The following RALGAPA2 variants were observed in gnomAD, a reference collection of about 807,000 sequenced individuals.
The protein encoded by RALGAPA2 is ral GTPase-activating protein subunit alpha-2.
A neutral mutation model predicts 230.4 loss-of-function variants in RALGAPA2; 139 were observed. The ratio of observed to expected loss-of-function variants is 0.60; its 90% confidence interval spans 0.53 to 0.69. The LOEUF (loss-of-function observed/expected upper bound fraction) is 0.69. Ranked by LOEUF, RALGAPA2 falls within the 30% of genes least tolerant of loss-of-function variation. The pLI is 0.00. For missense variants in RALGAPA2, 2,163 were observed against 2,276.0 expected (o/e 0.95, Z 1.01); for synonymous variants, 847 against 837.8 (o/e 1.01, Z -0.19).
chr20:20,546,646 C>G (rs768443941), intron 24 of RALGAPA2, 58 bp downstream of exon 24: 9 of 1,509,180 alleles, frequency 6.0e-6, no homozygotes, highest in Non-Finnish European at 7.1e-6. Context: ...AAATCTGAAC[C>G]TTGTTAGCGA....
chr20:20,436,957 C>T (rs1396100629), intron 37 of RALGAPA2, among the ~76,000 whole-genome samples: 1 of 152,164 alleles, frequency 6.6e-6, no homozygotes, highest in East Asian at 1.9e-4. Context: ...ACCGGGGAGA[C>T]CAAGCTCCGG....
At chr20:20,685,785 A>G (rs2068677694) in intron 1 of RALGAPA2, among the ~76,000 whole-genome samples, 1 of 152,174 alleles carries the variant, frequency 6.6e-6, no homozygotes, top group African/African-American at 2.4e-5. Context: ...TCAGGGCTGT[A>G]GGGAAAAGGG....
At chr20:20,621,951 C>G (rs1420832642) in intron 10 of RALGAPA2, among the ~76,000 whole-genome samples, 1 of 152,156 alleles carries the variant, frequency 6.6e-6, no homozygotes, top group African/African-American at 2.4e-5. Flanking sequence ...TTTAATACTG[C>G]CCTTAAGGTT....
At chr20:20,669,625 A>G (rs2068068734) in intron 3 of RALGAPA2, among the ~76,000 whole-genome samples, 2 of 152,086 alleles carry the variant, frequency 1.3e-5, no homozygotes, top group African/African-American at 2.4e-5. Context: ...GGCCTTGCCC[A>G]TTCCTTCCTG....
chr20:20,630,311 T>C (rs1205716584), intron 9 of RALGAPA2, among the ~76,000 whole-genome samples: 2 of 152,176 alleles, frequency 1.3e-5, no homozygotes, highest in Non-Finnish European at 1.5e-5. Flanking sequence ...CTTTGCAAAC[T>C]CCATTATTAC....
At chr20:20,543,185 C>T (rs1469248580) in intron 24 of RALGAPA2, among the ~76,000 whole-genome samples, 2 of 152,158 alleles carry the variant, frequency 1.3e-5, no homozygotes, top group Non-Finnish European at 2.9e-5. Context: ...GCTGGGACTA[C>T]AGGCATGTGC....
Position 20,520,903 on chromosome 20 carries a change from G to A in RALGAPA2, c.4084+14C>T, listed in dbSNP as rs368790279. ...TTCCTTCCCACAAGATTTCATACCTGAAAGAATACTCACCCTCTTCAACAG... is the reference window on the plus strand; with the variant it reads ...TTCCTTCCCACAAGATTTCATACCTAAAAGAATACTCACCCTCTTCAACAG... On this transcript the variant is annotated intron_variant, in intron 31 of 39. Coordinates refer to ENST00000202677, the MANE Select transcript of RALGAPA2 (RefSeq NM_020343.4). 1 of 1,559,428 alleles carries A rather than the reference G, an allele frequency of 6.4e-7. No homozygotes were observed. Among genetic ancestry groups the A allele is most frequent in the Non-Finnish European group, 8.8e-7 (1 of 1,141,672 alleles).
intron 24 of RALGAPA2, 27 bp from the exon 25 acceptor site, chr20:20,536,811 C>T: frequency 6.3e-7 from 1 of 1,598,740 alleles, no homozygotes; most frequent in Non-Finnish European, 8.5e-7. Context: ...GGAGCACACA[C>T]ATTTCTCTTT....
chr20:20,518,968 G>C (rs2062956429), intron 31 of RALGAPA2, among the ~76,000 whole-genome samples: 1 of 152,136 alleles, frequency 6.6e-6, no homozygotes, highest in African/African-American at 2.4e-5. Flanking sequence ...AAGTAAAGCA[G>C]ACATTGCAGT....
At chr20:20,473,019 G>C in intron 36 of RALGAPA2, 63 bp from the exon 37 acceptor site, 2 of 1,509,700 alleles carry the variant, frequency 1.3e-6, no homozygotes, top group South Asian at 1.3e-5. Context: ...AAAGATATGA[G>C]AGTAGCTGAC....
Position 20,393,198 on chromosome 20 carries a change from C to T in RALGAPA2, c.*91G>A, listed in dbSNP as rs761276366. The stretch of plus-strand genomic sequence containing the variant: ...GCAGAGGCAGGAGAGGGTGTTCTGT[C>T]TCCTCCTCACTCAGGGGCTCTTCGA... On this transcript the variant is annotated 3_prime_UTR_variant, in exon 40 of 40. Transcript: ENST00000202677. 15 of 1,349,294 alleles carry T rather than the reference C, an allele frequency of 1.1e-5. No homozygotes were observed. Among genetic ancestry groups the T allele is most frequent in the Non-Finnish European group, 1.5e-5 (15 of 1,013,680 alleles). 83.6% of individuals were successfully genotyped at this position (1,349,294 alleles called of 1,614,324 possible).
At chr20:20,393,985 G>A (rs1454155490) in intron 39 of RALGAPA2, among the ~76,000 whole-genome samples, 4 of 152,126 alleles carry the variant, frequency 2.6e-5, no homozygotes, top group Admixed American at 2.6e-4. Context: ...TCCCCTCGTA[G>A]TGTATTTTTA....
chr20:20,531,625 T>G, intron 27 of RALGAPA2, 62 bp downstream of exon 27: 1 of 1,333,884 alleles, frequency 7.5e-7, no homozygotes, highest in Non-Finnish European at 1.1e-6. Context: ...TAATTCAAAC[T>G]CAAACTGTTA....
At chr20:20,584,718 C>T (rs945290902) in intron 19 of RALGAPA2, 147 bp downstream of exon 19, 7 of 548,616 alleles carry the variant, frequency 1.3e-5, no homozygotes, top group African/African-American at 1.2e-4. Flanking sequence ...GAGGTTGAGG[C>T]TGCAGTGAGC....
chr20:20,693,451 T>C (rs1158005398), intron 1 of RALGAPA2, among the ~76,000 whole-genome samples: 1 of 152,180 alleles, frequency 6.6e-6, no homozygotes, highest in Admixed American at 6.5e-5. Context: ...GGACCTCCTT[T>C]TCTTGATCTG....
intron 15 of RALGAPA2, 91 bp downstream of exon 15, chr20:20,605,084 T>C: frequency 9.2e-7 from 1 of 1,083,024 alleles, no homozygotes; most frequent in Non-Finnish European, 1.4e-6. Context: ...CAGTTCATTA[T>C]AAAATTTCGC....
At chr20:20,630,779 G>C (rs969424347) in intron 9 of RALGAPA2, among the ~76,000 whole-genome samples, 3 of 152,052 alleles carry the variant, frequency 2.0e-5, no homozygotes, top group African/African-American at 7.2e-5. Flanking sequence ...GGCAACCCAC[G>C]CAACGCACTT....
At chr20:20,683,569 C>G (rs2068595803) in intron 1 of RALGAPA2, among the ~76,000 whole-genome samples, 1 of 152,208 alleles carries the variant, frequency 6.6e-6, no homozygotes, top group Admixed American at 6.5e-5. Flanking sequence ...ATGCTACCCC[C>G]ACTCCCAGAT....
intron 1 of RALGAPA2, among the ~76,000 whole-genome samples, chr20:20,697,885 C>T (rs554405374): frequency 2.0e-5 from 3 of 152,122 alleles, no homozygotes; most frequent in Non-Finnish European, 4.4e-5. Flanking sequence ...GGGTAAGTAC[C>T]CTGACCACAT....
Sources: allele counts gnomAD v4.1 joint callset (sites outside exome capture counted in the v4.1 genomes callset), GRCh38; gene constraint gnomAD v4.1.1; transcripts MANE v1.5; gene names NCBI Gene and HGNC (gene_info 2026-07-23, HGNC 2026-07-21).